The following MECOM variants were observed in gnomAD, a reference collection of about 807,000 sequenced individuals.
The protein encoded by MECOM is histone-lysine N-methyltransferase MECOM.
MECOM carries 13 observed loss-of-function variants against 116.3 expected under a neutral mutation model. That is an observed-to-expected ratio of 0.11 (90% CI 0.07 to 0.18). The LOEUF is 0.18. Ranked by LOEUF, MECOM falls within the 10% of genes least tolerant of loss-of-function variation. The pLI, the probability that MECOM is intolerant of heterozygous loss-of-function variation, is 1.00. For synonymous variants in MECOM, 528 were observed against 535.2 expected (o/e 0.99, Z 0.19); for missense variants, 1,299 against 1,509.0 (o/e 0.86, Z 2.31).
At chr3:169,612,755 TA>T (rs1481758722) in intron 1 of MECOM, among the ~76,000 whole-genome samples, 1 of 152,214 alleles carries the variant, frequency 6.6e-6, no homozygotes, top group African/African-American at 2.4e-5. Flanking sequence ...CTCAACTTGA[TA>T]AAATACGTGC....
At chr3:169,583,873 G>C (rs1229065628) in intron 1 of MECOM, among the ~76,000 whole-genome samples, 1 of 151,652 alleles carries the variant, frequency 6.6e-6, no homozygotes, top group African/African-American at 2.4e-5. Context: ...CCAAAGTGCT[G>C]AGATTATAGG....
chr3:169,602,094 A>G (rs1480450910), intron 1 of MECOM, among the ~76,000 whole-genome samples: 2 of 152,246 alleles, frequency 1.3e-5, no homozygotes, highest in Non-Finnish European at 2.9e-5. Flanking sequence ...GTTCTTGATC[A>G]ATAAACACAC....
chr3:169,105,096 C>T (rs933867543), intron 10 of MECOM, among the ~76,000 whole-genome samples: 2 of 152,104 alleles, frequency 1.3e-5, no homozygotes, highest in East Asian at 1.9e-4. Context: ...CACATACACA[C>T]GTACACAAAA....
At chr3:169,661,427 A>G (rs1017514945) in intron 1 of MECOM, among the ~76,000 whole-genome samples, 3 of 152,178 alleles carry the variant, frequency 2.0e-5, no homozygotes, top group Non-Finnish European at 2.9e-5. Context: ...GGCCTCATTT[A>G]AAAGCAAACA....
chr3:169,368,272 AG>A lies in MECOM; in HGVS notation c.375+12914del, dbSNP rs536986393. 5.3e-5 allele frequency among the ~76,000 whole-genome samples: 8 copies of A among 152,208 alleles called. No individual in the cohort carries two copies. The East Asian group carries it at 1.6e-3, about 30-fold the overall frequency. ...GAGGTTCTAGGGCAAAAGTGAGCAT[AG>A]TATTTATCTACTGAATTTGCCTATA... On this transcript the variant is annotated intron_variant, in intron 2 of 16. Coordinates refer to ENST00000651503, the MANE Select transcript of MECOM (RefSeq NM_004991.4).
chr3:169,151,847 C>A (rs1313159453), intron 2 of MECOM, among the ~76,000 whole-genome samples: 1 of 152,124 alleles, frequency 6.6e-6, no homozygotes, highest in East Asian at 1.9e-4. Context: ...ATAAATATTT[C>A]TCCCAATTTG....
Position 169,089,945 on chromosome 3 carries a change from C to G in MECOM, c.3401+55G>C, listed in dbSNP as rs1719116186. 5.2e-6 allele frequency: 8 copies of G among 1,536,984 alleles called. No individual in the cohort carries two copies. In the South Asian group the frequency reaches 1.0e-4, roughly 20 times the overall value. The stretch of plus-strand genomic sequence containing the variant: ...AAATTGCTTATCACAGGAGGAATTG[C>G]AACCGTACATGGATCTACTCTAGCT... On this transcript the variant is annotated intron_variant, in intron 15 of 16. Transcript: ENST00000651503.
chr3:169,117,906 TATG>T (rs1729701018), intron 7 of MECOM, among the ~76,000 whole-genome samples: 1 of 76,700 alleles, frequency 1.3e-5, no homozygotes, highest in Non-Finnish European at 2.9e-5. Flanking sequence ...TGAGCCACGT[TATG>T]TGTGAGCTTA....
chr3:169,476,066 T>A (rs964159902), intron 1 of MECOM, among the ~76,000 whole-genome samples: 6 of 152,190 alleles, frequency 3.9e-5, no homozygotes, highest in African/African-American at 1.4e-4. Context: ...GAGAAATTAA[T>A]ACTTTGATGA....
At chr3:169,376,248 A>C (rs1271720146) in intron 2 of MECOM, among the ~76,000 whole-genome samples, 1 of 152,208 alleles carries the variant, frequency 6.6e-6, no homozygotes, top group Non-Finnish European at 1.5e-5. Flanking sequence ...AGCTGGAAGC[A>C]TTCCCTTTGA....
intron 1 of MECOM, among the ~76,000 whole-genome samples, chr3:169,451,331 A>G (rs1310110015): frequency 6.6e-6 from 1 of 152,206 alleles, no homozygotes; most frequent in Non-Finnish European, 1.5e-5. Flanking sequence ...TGTAAAGAAA[A>G]GTCTTATACA....
chr3:169,087,481 C>T (rs1414460294), intron 16 of MECOM, among the ~76,000 whole-genome samples: 5 of 151,928 alleles, frequency 3.3e-5, no homozygotes, highest in African/African-American at 4.8e-5. Flanking sequence ...TCAATAGTCC[C>T]GGTTATCCAG....
chr3:169,463,944 G>A (rs1425012279), intron 1 of MECOM: 1 of 151,944 alleles, frequency 6.6e-6, no homozygotes, highest in Non-Finnish European at 1.5e-5. Flanking sequence ...TTTCTTCAAG[G>A]GATATGTGCC....
intron 1 of MECOM, among the ~76,000 whole-genome samples, chr3:169,394,849 C>T (rs2108358347): frequency 6.6e-6 from 1 of 152,236 alleles, no homozygotes; most frequent in South Asian, 2.1e-4. Flanking sequence ...TTTAAATTAA[C>T]CCTCCTGGAT....
chr3:169,233,159 TG>T (rs1230759885), intron 2 of MECOM, among the ~76,000 whole-genome samples: 1 of 152,160 alleles, frequency 6.6e-6, no homozygotes, highest in Non-Finnish European at 1.5e-5. Flanking sequence ...TCAATTATTG[TG>T]GGGCAGCCTG....
intron 2 of MECOM, among the ~76,000 whole-genome samples, chr3:169,211,879 C>T (rs1269046301): frequency 2.0e-5 from 3 of 152,060 alleles, no homozygotes; most frequent in Non-Finnish European, 2.9e-5. Context: ...AATTTAGTTT[C>T]CTTAGTACGG....
At chr3:169,132,056 G>T in intron 3 of MECOM, 1 of 879,438 alleles carries the variant, frequency 1.1e-6, no homozygotes, top group Non-Finnish European at 1.4e-6. Flanking sequence ...AGAGTATTTT[G>T]TTTTTCAAAA....
intron 2 of MECOM, among the ~76,000 whole-genome samples, chr3:169,245,544 C>T (rs544187028): frequency 6.6e-6 from 1 of 152,226 alleles, no homozygotes; most frequent in East Asian, 1.9e-4. Context: ...TTTTATAGAA[C>T]TAATAATTTT....
At chr3:169,328,859 A>G (rs1722283537) in intron 2 of MECOM, among the ~76,000 whole-genome samples, 1 of 152,182 alleles carries the variant, frequency 6.6e-6, no homozygotes. Flanking sequence ...CAGAGCTTCT[A>G]AAATATTTCA....
Sources: allele counts gnomAD v4.1 joint callset (sites outside exome capture counted in the v4.1 genomes callset), GRCh38; gene constraint gnomAD v4.1.1; transcripts MANE v1.5; gene names NCBI Gene and HGNC (gene_info 2026-07-23, HGNC 2026-07-21).